APBB1IP: variants seen among roughly 807,000 people sequenced by gnomAD.
APBB1IP encodes the protein amyloid beta A4 precursor protein-binding family B member 1-interacting protein.
In APBB1IP, 27 loss-of-function variants were observed where a neutral mutation model predicts 64.9. The observed-to-expected ratio is 0.42, with a 90% CI of 0.31 to 0.57. The LOEUF (loss-of-function observed/expected upper bound fraction) is 0.57. APBB1IP is among the 20% of genes least tolerant of loss of function. The probability of loss-of-function intolerance (pLI) is 0.20; values close to 1 mark genes in which losing one functional copy is unlikely to be tolerated. For missense variants in APBB1IP, 812 were observed against 845.5 expected, an observed-to-expected ratio of 0.96 and a Z score of 0.49; for synonymous variants, 392 against 331.0, an observed-to-expected ratio of 1.18 and a Z score of -2.00.
chr10:26,490,484 G>T (rs1835941995), intron 2 of APBB1IP, among the ~76,000 whole-genome samples: 1 of 152,062 alleles, frequency 6.6e-6, no homozygotes, highest in Admixed American at 6.6e-5. Context: ...AATTAACCAG[G>T]TGTGGTGGGG....
intron 2 of APBB1IP, among the ~76,000 whole-genome samples, chr10:26,481,424 C>A (rs1418342562): frequency 6.6e-6 from 1 of 151,954 alleles, no homozygotes; most frequent in Admixed American, 6.6e-5. Context: ...AAAATCACAG[C>A]AATTTGGAAA....
intron 10 of APBB1IP, among the ~76,000 whole-genome samples, chr10:26,537,731 C>G (rs12268747): frequency 6.6e-6 from 1 of 151,942 alleles, no homozygotes; most frequent in South Asian, 2.1e-4. Context: ...ACCAGGAGTT[C>G]TAGACCAGCC....
At chr10:26,471,447 C>T (rs1835713948) in intron 2 of APBB1IP, among the ~76,000 whole-genome samples, 2 of 152,040 alleles carry the variant, frequency 1.3e-5, no homozygotes, top group African/African-American at 4.8e-5. Flanking sequence ...AAAATATTGT[C>T]AGTAGCATCT....
chr10:26,511,673 A>G (rs1836261671), intron 6 of APBB1IP, 74 bp from the exon 7 acceptor site: 10 of 1,557,496 alleles, frequency 6.4e-6, no homozygotes, highest in African/African-American at 1.4e-5. Context: ...AACAATAGCA[A>G]CTTTGAAACC....
intron 10 of APBB1IP, among the ~76,000 whole-genome samples, chr10:26,537,025 T>C (rs997512600): frequency 4.6e-5 from 7 of 152,242 alleles, no homozygotes; most frequent in Non-Finnish European, 1.0e-4. Context: ...TTAGACAACA[T>C]TTAACTTTTA....
chr10:26,527,483 G>A (rs1836488726), intron 8 of APBB1IP, among the ~76,000 whole-genome samples: 2 of 150,970 alleles, frequency 1.3e-5, no homozygotes, highest in African/African-American at 4.9e-5. Flanking sequence ...GGAGTTCAAG[G>A]CTGCAGTGAG....
chr10:26,496,067 A>T (rs1399255913), intron 3 of APBB1IP, among the ~76,000 whole-genome samples: 1 of 149,638 alleles, frequency 6.7e-6, no homozygotes, highest in African/African-American at 2.5e-5. Context: ...CCTCATTATC[A>T]TTGCTCTCAA....
intron 11 of APBB1IP, among the ~76,000 whole-genome samples, chr10:26,543,329 T>TG (rs1007583131): frequency 3.3e-5 from 5 of 151,834 alleles, no homozygotes; most frequent in Admixed American, 3.3e-4. Context: ...TAGCTGGGCG[T>TG]GGTGGTGCAC....
At chr10:26,471,601 A>G (rs1835716193) in intron 2 of APBB1IP, among the ~76,000 whole-genome samples, 1 of 152,212 alleles carries the variant, frequency 6.6e-6, no homozygotes, top group African/African-American at 2.4e-5. Flanking sequence ...TTGTGGACAT[A>G]CAGACAGTCA....
intron 8 of APBB1IP, among the ~76,000 whole-genome samples, chr10:26,520,464 T>C (rs142325112): frequency 0.011 from 1,719 of 152,342 alleles, 17 homozygotes; most frequent in Non-Finnish European, 0.016. Context: ...AAAATTTCAT[T>C]CTTAAAGTAC....
intron 11 of APBB1IP, among the ~76,000 whole-genome samples, chr10:26,551,172 C>G (rs1406335700): frequency 2.0e-5 from 3 of 152,216 alleles, no homozygotes; most frequent in African/African-American, 7.2e-5. Flanking sequence ...ATTTGTCCAC[C>G]TGGCTGCTGC....
chr10:26,441,945 A>G (rs1351230265), intron 2 of APBB1IP, among the ~76,000 whole-genome samples: 1 of 152,232 alleles, frequency 6.6e-6, no homozygotes, highest in Non-Finnish European at 1.5e-5. Flanking sequence ...TAATCATCAC[A>G]TCAAGATGAA....
intron 2 of APBB1IP, among the ~76,000 whole-genome samples, chr10:26,443,588 G>A (rs1345714001): frequency 3.9e-5 from 6 of 152,040 alleles, no homozygotes; most frequent in Non-Finnish European, 7.4e-5. Flanking sequence ...AGGCTGGAGT[G>A]CAGCAGCACA....
intron 11 of APBB1IP, among the ~76,000 whole-genome samples, chr10:26,547,752 G>C (rs1428136827): frequency 6.6e-6 from 1 of 151,840 alleles, no homozygotes; most frequent in Non-Finnish European, 1.5e-5. Flanking sequence ...GCCAGTTTTG[G>C]GTCATATATT....
intron 2 of APBB1IP, among the ~76,000 whole-genome samples, chr10:26,447,208 C>T (rs567730183): frequency 2.7e-4 from 36 of 133,752 alleles, no homozygotes; most frequent in Non-Finnish European, 4.7e-4. Context: ...CCCATCTCTA[C>T]TAAAAAAGTA....
At chr10:26,528,918 C>T (rs1405323453) in intron 8 of APBB1IP, among the ~76,000 whole-genome samples, 1 of 152,190 alleles carries the variant, frequency 6.6e-6, no homozygotes, top group Non-Finnish European at 1.5e-5. Context: ...GCATAGGTGA[C>T]AGAGTGAGAT....
chr10:26,505,757 A>G (rs1431899300), intron 6 of APBB1IP, among the ~76,000 whole-genome samples: 1 of 151,618 alleles, frequency 6.6e-6, no homozygotes, highest in Non-Finnish European at 1.5e-5. Flanking sequence ...ATCTGTACCC[A>G]TATATCCCAT....
chr10:26,496,450 G>C, intron 4 of APBB1IP, 59 bp downstream of exon 4: 1 of 1,317,444 alleles, frequency 7.6e-7, no homozygotes, highest in Non-Finnish European at 1.1e-6. Context: ...ATTCAAATCA[G>C]TATGAAACTA....
chr10:26,536,554 A>T (rs1314609904), intron 10 of APBB1IP, among the ~76,000 whole-genome samples: 1 of 151,278 alleles, frequency 6.6e-6, no homozygotes, highest in East Asian at 1.9e-4. Context: ...TTTTATCTGG[A>T]ATCATAGAGG....
Sources: gnomAD v4.1 joint callset for allele counts (sites outside exome capture counted in the v4.1 genomes callset) on GRCh38, gnomAD v4.1.1 for gene constraint, MANE v1.5 for transcripts, NCBI Gene and HGNC (gene_info 2026-07-23, HGNC 2026-07-21) for gene names.